RBMS1: variants seen among roughly 807,000 people sequenced by gnomAD.
The protein encoded by RBMS1 is RNA binding motif single stranded interacting protein 1, also known as RNA-binding motif, single-stranded-interacting protein 1.
Under a neutral mutation model 62.3 loss-of-function variants are expected in RBMS1, and 17 were observed. The ratio of observed to expected loss-of-function variants is 0.27; its 90% CI spans 0.19 to 0.41. The LOEUF (loss-of-function observed/expected upper bound fraction) is 0.41. Among genes scored for constraint, RBMS1 ranks in the 10% least tolerant of loss-of-function variants. The pLI is 1.00. For synonymous variants in RBMS1, 172 were observed against 170.0 expected, an observed-to-expected ratio of 1.01 and a Z score of -0.09; for missense variants, 334 against 504.5, an observed-to-expected ratio of 0.66 and a Z score of 3.24.
intron 1 of RBMS1, among the ~76,000 whole-genome samples, chr2:160,463,779 C>T (rs539841726): frequency 6.6e-6 from 1 of 152,218 alleles, no homozygotes; most frequent in Non-Finnish European, 1.5e-5. Context: ...GAGTGAAACT[C>T]CGTCTCAAAA....
At chr2:160,468,463 G>T (rs1167674825) in intron 1 of RBMS1, among the ~76,000 whole-genome samples, 2 of 152,114 alleles carry the variant, frequency 1.3e-5, no homozygotes, top group Non-Finnish European at 2.9e-5. Flanking sequence ...CGTTTTTACT[G>T]CCTAGCATTG....
At chr2:160,374,963 G>A (rs1023341443) in intron 1 of RBMS1, among the ~76,000 whole-genome samples, 1 of 151,976 alleles carries the variant, frequency 6.6e-6, no homozygotes, top group African/African-American at 2.4e-5. Flanking sequence ...GGAATTGAAC[G>A]GAAAAGTTAG....
chr2:160,302,779 A>T (rs1689281244), intron 5 of RBMS1: 1 of 150,722 alleles, frequency 6.6e-6, no homozygotes, highest in Non-Finnish European at 1.5e-5. Context: ...GGCATGAGCC[A>T]CCATGCCTGG....
chr2:160,407,553 G>GCGT, intron 1 of RBMS1: 1 of 985,400 alleles, frequency 1.0e-6, no homozygotes, highest in South Asian at 4.5e-5. Context: ...GGCGGCGGCG[G>GCGT]GTGCGGGCGC....
intron 2 of RBMS1, among the ~76,000 whole-genome samples, chr2:160,348,381 G>T (rs1402717943): frequency 3.3e-5 from 5 of 152,128 alleles, no homozygotes; most frequent in African/African-American, 9.7e-5. Flanking sequence ...ATGTGTGTAT[G>T]TGTATTTATG....
intron 9 of RBMS1, chr2:160,282,086 C>T: frequency 2.2e-6 from 1 of 448,494 alleles, no homozygotes; most frequent in Admixed American, 3.3e-5. Flanking sequence ...AACATATCAG[C>T]CCATTTCTTG....
chr2:160,479,048 G>C (rs1168978112), intron 1 of RBMS1, among the ~76,000 whole-genome samples: 1 of 152,148 alleles, frequency 6.6e-6, no homozygotes, highest in African/African-American at 2.4e-5. Flanking sequence ...AGCCTCACTG[G>C]GTTGTTGTTG....
chr2:160,416,148 T>C (rs1696197528), intron 1 of RBMS1: 3 of 148,946 alleles, frequency 2.0e-5, no homozygotes, highest in Non-Finnish European at 3.0e-5. Context: ...CTGTGGCAAA[T>C]TGATACTCCC....
chr2:160,325,148 C>T (rs1195783129), intron 2 of RBMS1, among the ~76,000 whole-genome samples: 1 of 151,950 alleles, frequency 6.6e-6, no homozygotes, highest in Non-Finnish European at 1.5e-5. Flanking sequence ...TCACCAACCA[C>T]AGACTGTGCC....
chr2:160,279,577 T>A (rs1021309676), intron 10 of RBMS1: 6 of 152,242 alleles, frequency 3.9e-5, no homozygotes, highest in Admixed American at 1.3e-4. Flanking sequence ...ATCATTTTTT[T>A]AAATGGTTAC....
At chr2:160,385,803 A>T (rs1694539538) in intron 1 of RBMS1, among the ~76,000 whole-genome samples, 1 of 152,158 alleles carries the variant, frequency 6.6e-6, no homozygotes, top group South Asian at 2.1e-4. Context: ...TATTAGATGC[A>T]AGGAAGATAC....
rs141584124 is a variant in RBMS1 at position 160,274,262 on chromosome 2, C to T, written c.*510G>A. The T allele has an allele frequency of 1.3e-5, 2 of 152,658 alleles. No homozygotes were observed. The highest frequency in any genetic ancestry group is 3.9e-4 in the East Asian group (2 of 5,180). The allele number at this position is 152,658 out of a possible 1,614,324, so 9.5% of individuals were successfully genotyped here. A position where few individuals can be genotyped will look rare whatever the true frequency, so the allele number is the denominator to read the frequency against. On this transcript the variant is annotated 3_prime_UTR_variant, in exon 14 of 14. Coordinates refer to ENST00000348849, the MANE Select transcript of RBMS1 (RefSeq NM_016836.4). ...AGACACTGACGGCAACACTGAATTA[C>T]AGCAACACTCGCACTGCAAGCACAG...
chr2:160,300,572 A>C (rs1401433070), intron 6 of RBMS1, 79 bp downstream of exon 6: 34 of 1,458,086 alleles, frequency 2.3e-5, no homozygotes, highest in Non-Finnish European at 2.9e-5. Flanking sequence ...TTTTTGTTCT[A>C]TTGAAGAGTC....
intron 2 of RBMS1, among the ~76,000 whole-genome samples, chr2:160,330,415 A>G (rs755387065): frequency 6.6e-6 from 1 of 152,196 alleles, no homozygotes; most frequent in Non-Finnish European, 1.5e-5. Context: ...AAATATATAA[A>G]TGTCCCAAAG....
intron 4 of RBMS1, among the ~76,000 whole-genome samples, chr2:160,307,361 G>GGA (rs1553504684): frequency 1.2e-4 from 10 of 85,762 alleles, no homozygotes; most frequent in Non-Finnish European, 1.6e-4. Flanking sequence ...CCTATTTATT[G>GGA]AAAAAAAAAA....
At chr2:160,421,422 T>A (rs545490673) in intron 1 of RBMS1, among the ~76,000 whole-genome samples, 1 of 152,168 alleles carries the variant, frequency 6.6e-6, no homozygotes, top group South Asian at 2.1e-4. Context: ...CTTGAGATAG[T>A]TTGTTGAGAA....
At chr2:160,291,394 T>C (rs1292898308) in intron 6 of RBMS1, among the ~76,000 whole-genome samples, 2 of 152,244 alleles carry the variant, frequency 1.3e-5, no homozygotes, top group African/African-American at 4.8e-5. Flanking sequence ...TCTGATAATG[T>C]TGGCTACTTT....
At chr2:160,360,452 C>G (rs78242048) in intron 2 of RBMS1, among the ~76,000 whole-genome samples, 11,715 of 152,216 alleles carry the variant, frequency 0.077, 629 homozygotes, top group South Asian at 0.19. Context: ...AGAATAAACT[C>G]CAAACTAAAA....
At chr2:160,336,388 T>C (rs966525359) in intron 2 of RBMS1, among the ~76,000 whole-genome samples, 3 of 152,162 alleles carry the variant, frequency 2.0e-5, no homozygotes, top group Admixed American at 1.3e-4. Context: ...CCTTGTTTTT[T>C]AGCGGGGAGA....
Sources: gnomAD v4.1 joint callset for allele counts (sites outside exome capture counted in the v4.1 genomes callset) on GRCh38, gnomAD v4.1.1 for gene constraint, MANE v1.5 for transcripts, NCBI Gene and HGNC (gene_info 2026-07-23, HGNC 2026-07-21) for gene names.